Variants in GDAP1 observed in about 807,000 individuals in gnomAD.
GDAP1 encodes ganglioside induced differentiation associated protein 1, also known as ganglioside-induced differentiation-associated protein 1.
GDAP1 carries 34 observed loss-of-function variants against 40.1 expected under a neutral mutation model. That is an observed-to-expected ratio of 0.85 (90% CI 0.64 to 1.13). The LOEUF (loss-of-function observed/expected upper bound fraction) is 1.13. GDAP1 is among the 50% of genes most tolerant of loss of function. The pLI is 0.00. For missense variants in GDAP1, 374 were observed against 433.7 expected, an observed-to-expected ratio of 0.86 and a Z score of 1.22; for synonymous variants, 170 against 157.4, an observed-to-expected ratio of 1.08 and a Z score of -0.60.
intron 2 of GDAP1, among the ~76,000 whole-genome samples, chr8:74,448,108 A>C (rs1437193124): frequency 6.6e-6 from 1 of 152,166 alleles, no homozygotes; most frequent in African/African-American, 2.4e-5. Flanking sequence ...GGTGAAATTA[A>C]CTTTAGTGCA....
intron 2 of GDAP1, among the ~76,000 whole-genome samples, chr8:74,381,477 T>C (rs4567029): frequency 0.54 from 81,625 of 151,906 alleles, 22,586 homozygotes; most frequent in African/African-American, 0.69. Flanking sequence ...TAAGTAGGGC[T>C]GGGTATGGTG....
At position 74,364,469 on chromosome 8, in the gene GDAP1, T is replaced by G. The variant is rs1344190914; in HGVS notation, c.*102T>G. The G allele has an allele frequency of 6.6e-6, 8 of 1,213,150 alleles. No individual in the cohort carries two copies. In the South Asian group the frequency reaches 8.5e-5, roughly 13 times the overall value. 75.1% of individuals were successfully genotyped at this position (1,213,150 alleles called of 1,614,324 possible). On this transcript the variant is annotated 3_prime_UTR_variant, in exon 6 of 6. Coordinates refer to ENST00000220822, the MANE Select transcript of GDAP1 (RefSeq NM_018972.4). ...TGTCTTATTGAGTAGTTAGCAGTAT[T>G]TTTTCCTAAAATTCAGAAGTCATCT...
chr8:74,459,865 A>G (rs924449714), intron 2 of GDAP1, among the ~76,000 whole-genome samples: 6 of 152,244 alleles, frequency 3.9e-5, no homozygotes, highest in African/African-American at 1.4e-4. Context: ...ATTCAAATGT[A>G]CTTAAAATTA....
intron 2 of GDAP1, among the ~76,000 whole-genome samples, chr8:74,430,407 A>G (rs1191607045): frequency 2.0e-5 from 3 of 152,210 alleles, no homozygotes; most frequent in African/African-American, 7.2e-5. Context: ...GTAAGAAGCT[A>G]GTTGAATAAA....
chr8:74,395,651 G>C (rs755688878), intron 2 of GDAP1, among the ~76,000 whole-genome samples: 1 of 152,176 alleles, frequency 6.6e-6, no homozygotes, highest in Non-Finnish European at 1.5e-5. Context: ...GTATGTGGGC[G>C]TGTCTGCAAT....
intron 2 of GDAP1, among the ~76,000 whole-genome samples, chr8:74,423,477 G>T (rs376091727): frequency 6.7e-6 from 1 of 148,862 alleles, no homozygotes; most frequent in Non-Finnish European, 1.5e-5. Flanking sequence ...ACACAGATTG[G>T]GTGTTCAAAA....
chr8:74,377,961 A>C (rs745996969), intron 2 of GDAP1, among the ~76,000 whole-genome samples: 9 of 152,350 alleles, frequency 5.9e-5, no homozygotes, highest in Middle Eastern at 3.4e-3. Context: ...CAAACCATTA[A>C]TATGTACACT....
At chr8:74,406,922 A>G (rs910681990) in intron 2 of GDAP1, among the ~76,000 whole-genome samples, 1 of 149,928 alleles carries the variant, frequency 6.7e-6, no homozygotes, top group African/African-American at 2.5e-5. Flanking sequence ...TCACAAGGGA[A>G]GGTTTACTTA....
chr8:74,464,076 G>C (rs1404697204), intron 2 of GDAP1, among the ~76,000 whole-genome samples: 1 of 152,182 alleles, frequency 6.6e-6, no homozygotes, highest in Non-Finnish European at 1.5e-5. Flanking sequence ...TGAAGGTGCT[G>C]CTGGTGCCTG....
chr8:74,371,897 A>T (rs1412913046), intron 2 of GDAP1, among the ~76,000 whole-genome samples: 1 of 151,556 alleles, frequency 6.6e-6, no homozygotes, highest in African/African-American at 2.4e-5. Flanking sequence ...TACATTAGGT[A>T]TATCTCCTAA....
intron 2 of GDAP1, among the ~76,000 whole-genome samples, chr8:74,417,818 A>G (rs997209137): frequency 4.6e-5 from 7 of 151,060 alleles, no homozygotes; most frequent in Non-Finnish European, 8.8e-5. Flanking sequence ...ATATAAACAA[A>G]TATTGTAAAT....
chr8:74,361,777 T>G (rs924528963), intron 3 of GDAP1, 107 bp from the exon 4 acceptor site: 4 of 742,514 alleles, frequency 5.4e-6, no homozygotes, highest in Non-Finnish European at 9.7e-6. Flanking sequence ...AAGCAGGGCA[T>G]GAGCCCCAGA....
intron 2 of GDAP1, among the ~76,000 whole-genome samples, chr8:74,430,720 TAAA>T (rs1806014963): frequency 6.6e-6 from 1 of 151,660 alleles, no homozygotes; most frequent in Non-Finnish European, 1.5e-5. Flanking sequence ...AAACAAAAAA[TAAA>T]AAAGCAATTT....
At chr8:74,360,763 A>G (rs1425655428) in intron 3 of GDAP1, among the ~76,000 whole-genome samples, 1 of 152,208 alleles carries the variant, frequency 6.6e-6, no homozygotes, top group Non-Finnish European at 1.5e-5. Context: ...ATGTTCAGTG[A>G]TAGTAGATTT....
At chr8:74,376,057 G>A (rs781682510) in intron 2 of GDAP1, among the ~76,000 whole-genome samples, 9 of 152,118 alleles carry the variant, frequency 5.9e-5, no homozygotes, top group East Asian at 1.9e-4. Context: ...GAATTTAACC[G>A]ATGTATAATA....
intron 2 of GDAP1, among the ~76,000 whole-genome samples, chr8:74,436,322 G>C (rs1563469533): frequency 6.6e-6 from 1 of 152,118 alleles, no homozygotes; most frequent in Non-Finnish European, 1.5e-5. Context: ...AGGATATCTG[G>C]GGCTGAGTTT....
At chr8:74,451,451 GA>G (rs11323370) in intron 2 of GDAP1, among the ~76,000 whole-genome samples, 46,288 of 47,444 alleles carry the variant, frequency 0.98, 22,739 homozygotes, top group African/African-American at 0.99. Flanking sequence ...CCCTGTCTCA[GA>G]AAAAAAAAAA....
At position 74,360,307 on chromosome 8, in the gene GDAP1, C is replaced by T. The variant is rs778849021; in HGVS notation, c.481C>T (p.Arg161Cys). 5.6e-6 allele frequency: 9 copies of T among 1,610,810 alleles called. No homozygotes were observed. The South Asian group carries it at 6.6e-5, about 12-fold the overall frequency. The change falls in exon 3 of 6, where the codon CGT (arginine) becomes TGT (cysteine). Residue 161 changes from arginine to cysteine, a missense_variant. By Grantham distance (180) the Arg-to-Cys change is radical. Transcript: ENST00000220822. ...MIPAYATTRI[R>C]SQIGNTESEL... The stretch of plus-strand genomic sequence containing the variant: ...CCCGGCTTATGCAACTACAAGGATT[C>T]GTAGTATGTAAACATTTTAAAGACC...
chr8:74,433,346 G>A (rs1220702293), intron 2 of GDAP1, among the ~76,000 whole-genome samples: 1 of 152,138 alleles, frequency 6.6e-6, no homozygotes, highest in Non-Finnish European at 1.5e-5. Flanking sequence ...AGTTCCACGA[G>A]GGCAGGGATC....
Sources: allele counts gnomAD v4.1 joint callset (sites outside exome capture counted in the v4.1 genomes callset), GRCh38; gene constraint gnomAD v4.1.1; transcripts MANE v1.5; gene names NCBI Gene and HGNC (gene_info 2026-07-23, HGNC 2026-07-21).